CLEC16A: variants seen among roughly 807,000 people sequenced by gnomAD.
The protein encoded by CLEC16A is C-type lectin domain containing 16A, also known as protein CLEC16A.
A neutral mutation model predicts 109.5 loss-of-function variants in CLEC16A; 51 were observed. The observed-to-expected ratio is 0.47, with a 90% CI of 0.37 to 0.59. CLEC16A has a LOEUF of 0.59. Ranked by LOEUF, CLEC16A falls within the 20% of genes least tolerant of loss-of-function variation. The pLI is 0.00. For missense variants in CLEC16A, 1,339 were observed against 1,394.0 expected, an observed-to-expected ratio of 0.96 and a Z score of 0.63; for synonymous variants, 673 against 564.2, an observed-to-expected ratio of 1.19 and a Z score of -2.73.
intron 21 of CLEC16A, among the ~76,000 whole-genome samples, chr16:11,124,621 A>G (rs977411480): frequency 6.6e-6 from 1 of 152,234 alleles, no homozygotes; most frequent in Non-Finnish European, 1.5e-5. Context: ...CAGGAAGGCA[A>G]GGCCTTCTCC....
At chr16:10,996,292 G>A (rs2152736640) in intron 10 of CLEC16A, among the ~76,000 whole-genome samples, 1 of 152,314 alleles carries the variant, frequency 6.6e-6, no homozygotes, top group South Asian at 2.1e-4. Context: ...TGGCTGGCCG[G>A]GGACCACTGC....
chr16:11,000,424 T>C (rs1298985743), intron 10 of CLEC16A, among the ~76,000 whole-genome samples: 1 of 152,240 alleles, frequency 6.6e-6, no homozygotes, highest in Admixed American at 6.5e-5. Context: ...GCTTGGTCTC[T>C]ATTTTCTGTT....
intron 21 of CLEC16A, among the ~76,000 whole-genome samples, chr16:11,124,962 G>A (rs1047468102): frequency 6.6e-6 from 1 of 152,146 alleles, no homozygotes; most frequent in African/African-American, 2.4e-5. Flanking sequence ...GGTGGCATAC[G>A]CCTGTAGTCC....
intron 13 of CLEC16A, 80 bp from the exon 14 acceptor site, chr16:11,039,674 C>A: frequency 6.9e-7 from 1 of 1,445,254 alleles, no homozygotes; most frequent in Admixed American, 2.8e-5. Context: ...GTTGAGGAAA[C>A]CCCACTCTAC....
At chr16:11,132,477 G>T (rs2053280853) in intron 22 of CLEC16A, among the ~76,000 whole-genome samples, 2 of 152,112 alleles carry the variant, frequency 1.3e-5, no homozygotes, top group African/African-American at 4.8e-5. Flanking sequence ...CATTTGGGCT[G>T]TGTCTGCCTT....
At chr16:11,084,752 A>T (rs1567295782) in intron 19 of CLEC16A, among the ~76,000 whole-genome samples, 2 of 152,208 alleles carry the variant, frequency 1.3e-5, no homozygotes, top group African/African-American at 4.8e-5. Flanking sequence ...AATATCTAGT[A>T]AATCATTCGC....
chr16:11,144,272 C>T (rs2053961200), intron 22 of CLEC16A, among the ~76,000 whole-genome samples: 1 of 152,254 alleles, frequency 6.6e-6, no homozygotes, highest in Non-Finnish European at 1.5e-5. Context: ...GGCGTCCCTG[C>T]AGCCTGCAGC....
chr16:11,051,808 T>A (rs766039048), intron 18 of CLEC16A, among the ~76,000 whole-genome samples, 167 bp downstream of exon 18: 2 of 152,216 alleles, frequency 1.3e-5, no homozygotes, highest in African/African-American at 2.4e-5. Flanking sequence ...TTCCAAGGCA[T>A]GTTTTTACCC....
intron 18 of CLEC16A, among the ~76,000 whole-genome samples, chr16:11,058,509 A>T (rs2048324220): frequency 6.6e-6 from 1 of 150,696 alleles, no homozygotes; most frequent in Non-Finnish European, 1.5e-5. Context: ...GTACAAGTTG[A>T]GTACAGATGC....
intron 22 of CLEC16A, among the ~76,000 whole-genome samples, chr16:11,128,890 G>A (rs549817819): frequency 2.0e-5 from 3 of 152,310 alleles, no homozygotes; most frequent in African/African-American, 7.2e-5. Context: ...AGGATCCCTA[G>A]CTTCCATTCA....
At chr16:11,067,175 T>TG (rs1307745883) in intron 19 of CLEC16A, among the ~76,000 whole-genome samples, 3 of 141,434 alleles carry the variant, frequency 2.1e-5, no homozygotes, top group African/African-American at 7.8e-5. Context: ...TTGGTTTTTT[T>TG]TTTGTTTGTT....
intron 19 of CLEC16A, among the ~76,000 whole-genome samples, chr16:11,090,383 A>T (rs1241307039): frequency 6.6e-6 from 1 of 152,074 alleles, no homozygotes; most frequent in African/African-American, 2.4e-5. Context: ...TCATGGAATG[A>T]TTCTTAGGGG....
chr16:11,155,104 T>G (rs914739660), intron 22 of CLEC16A, among the ~76,000 whole-genome samples: 6 of 152,108 alleles, frequency 3.9e-5, no homozygotes, highest in African/African-American at 1.4e-4. Context: ...CCAGGCTTGG[T>G]GACAGAGTGA....
intron 19 of CLEC16A, among the ~76,000 whole-genome samples, chr16:11,074,115 A>T (rs544883763): frequency 6.6e-6 from 1 of 152,256 alleles, no homozygotes; most frequent in East Asian, 1.9e-4. Flanking sequence ...CAAATTATTT[A>T]ACCTCTCTAA....
intron 16 of CLEC16A, among the ~76,000 whole-genome samples, chr16:11,046,114 T>G (rs1167820148): frequency 2.0e-5 from 3 of 152,166 alleles, no homozygotes; most frequent in Non-Finnish European, 4.4e-5. Context: ...TTAGTCATCT[T>G]TGAACCTCTT....
intron 13 of CLEC16A, among the ~76,000 whole-genome samples, chr16:11,030,630 G>A (rs377247425): frequency 1.6e-4 from 24 of 152,184 alleles, no homozygotes; most frequent in African/African-American, 4.1e-4. Context: ...ATTGTGTTTC[G>A]AGACTTTTGG....
chr16:11,141,127 G>A (rs2053805500), intron 22 of CLEC16A, among the ~76,000 whole-genome samples: 1 of 152,242 alleles, frequency 6.6e-6, no homozygotes, highest in Non-Finnish European at 1.5e-5. Context: ...GGAGTCACTT[G>A]CAGAGCAGTT....
At chr16:11,032,049 G>A (rs1354429127) in intron 13 of CLEC16A, among the ~76,000 whole-genome samples, 1 of 152,228 alleles carries the variant, frequency 6.6e-6, no homozygotes, top group Non-Finnish European at 1.5e-5. Context: ...GTCCTACGAG[G>A]AGGCTGTCAG....
chr16:10,980,960 G>T (rs1316318708), intron 9 of CLEC16A, among the ~76,000 whole-genome samples: 1 of 152,184 alleles, frequency 6.6e-6, no homozygotes, highest in African/African-American at 2.4e-5. Context: ...GGTGTGACAG[G>T]TGATGCTGTC....
Sources: allele counts gnomAD v4.1 joint callset (sites outside exome capture counted in the v4.1 genomes callset), GRCh38; gene constraint gnomAD v4.1.1; transcripts MANE v1.5; gene names NCBI Gene and HGNC (gene_info 2026-07-23, HGNC 2026-07-21).